HDAC9: variants seen among roughly 807,000 people sequenced by gnomAD.
The protein encoded by HDAC9 is MEF-2 interacting transcription repressor (MITR) protein.
A neutral mutation model predicts 139.4 loss-of-function variants in HDAC9; 41 were observed. The ratio of observed to expected loss-of-function variants is 0.29; its 90% CI spans 0.23 to 0.38. The LOEUF (loss-of-function observed/expected upper bound fraction) is 0.38. Ranked by LOEUF, HDAC9 falls within the 10% of genes least tolerant of loss-of-function variation. The probability of loss-of-function intolerance (pLI) is 1.00; values close to 1 mark genes in which losing one functional copy is unlikely to be tolerated. For synonymous variants in HDAC9, 517 were observed against 476.2 expected (o/e 1.09, Z -1.12); for missense variants, 1,147 against 1,297.0 (o/e 0.88, Z 1.78).
intron 2 of HDAC9, among the ~76,000 whole-genome samples, chr7:18,583,801 C>T (rs556463520): frequency 6.6e-6 from 1 of 152,126 alleles, no homozygotes; most frequent in Non-Finnish European, 1.5e-5. Context: ...TTATTTCTGT[C>T]TACACTGGAT....
At chr7:18,170,819 A>T (rs928415597) in intron 2 of HDAC9, among the ~76,000 whole-genome samples, 1 of 152,170 alleles carries the variant, frequency 6.6e-6, no homozygotes, top group African/African-American at 2.4e-5. Flanking sequence ...CTGTTTTGGT[A>T]CCAGAACCAT....
At chr7:18,310,223 C>T (rs1799216135) in intron 1 of HDAC9, among the ~76,000 whole-genome samples, 1 of 152,140 alleles carries the variant, frequency 6.6e-6, no homozygotes, top group Admixed American at 6.6e-5. Flanking sequence ...ATGTCCATTT[C>T]AACTATGGGA....
chr7:18,783,661 C>CTTTTTT (rs11348285), intron 16 of HDAC9, among the ~76,000 whole-genome samples: 1 of 132,378 alleles, frequency 7.6e-6, no homozygotes, highest in African/African-American at 2.7e-5. Flanking sequence ...TCTGCTGAGA[C>CTTTTTT]TTTTTTTTTT....
chr7:18,304,295 G>A (rs1157352826), intron 1 of HDAC9, among the ~76,000 whole-genome samples: 1 of 152,188 alleles, frequency 6.6e-6, no homozygotes, highest in Non-Finnish European at 1.5e-5. Context: ...GGAATGATGA[G>A]TGTAAATTAC....
chr7:18,896,638 C>A (rs1427232784), intron 22 of HDAC9, among the ~76,000 whole-genome samples: 2 of 152,072 alleles, frequency 1.3e-5, no homozygotes, highest in African/African-American at 4.8e-5. Context: ...ATGAATAACA[C>A]AAAGCTTAAT....
At chr7:18,183,022 T>G (rs1054009956) in intron 2 of HDAC9, among the ~76,000 whole-genome samples, 1 of 151,664 alleles carries the variant, frequency 6.6e-6, no homozygotes, top group South Asian at 2.1e-4. Context: ...TTTTTTTTTT[T>G]TTTTTGAGAC....
intron 25 of HDAC9, among the ~76,000 whole-genome samples, chr7:18,984,705 G>A (rs932521834): frequency 6.6e-6 from 1 of 152,126 alleles, no homozygotes; most frequent in Non-Finnish European, 1.5e-5. Flanking sequence ...TAATAGTCTG[G>A]ATGATAATGC....
At position 18,175,003 on chromosome 7, in the gene HDAC9, G is replaced by A. The variant is rs533536535; in HGVS notation, c.25+12654G>A. 2.6e-5 allele frequency among the ~76,000 whole-genome samples: 4 copies of A among 152,326 alleles called. No individual in the cohort carries two copies. In the South Asian group the frequency reaches 8.3e-4, roughly 32 times the overall value. On this transcript the variant is annotated intron_variant, in intron 2 of 12. Transcript: ENST00000417496. ...GCTCTCTTCAGGCCTGTCAGAAGGG[G>A]ACGTTTAAGTCTGCAGAAGTTTCTA...
chr7:18,333,097 C>A (rs1781323080), intron 1 of HDAC9, among the ~76,000 whole-genome samples: 1 of 151,260 alleles, frequency 6.6e-6, no homozygotes, highest in South Asian at 2.1e-4. Flanking sequence ...TGTAATAAAG[C>A]AGAAATTAGT....
intron 23 of HDAC9, among the ~76,000 whole-genome samples, chr7:18,951,142 A>G (rs534536816): frequency 6.6e-6 from 1 of 152,146 alleles, no homozygotes; most frequent in Admixed American, 6.6e-5. Flanking sequence ...ATGATTTTTG[A>G]CGATTTAAAT....
In HDAC9 at chr7:18,836,109, A is replaced by G. The variant is rs571216045; in HGVS notation, c.2684+112A>G. 5.4e-5 allele frequency: 33 copies of G among 606,584 alleles called. No individual in the cohort carries two copies. The African/African-American group carries it at 6.1e-4, about 11-fold the overall frequency. The allele number at this position is 606,584 out of a possible 1,614,324, so 37.6% of individuals were successfully genotyped here. On this transcript the variant is annotated intron_variant, in intron 21 of 25. Transcript: ENST00000686413. ...GTCTAATTAAGGTAAATTATCGCTCAAAGCCACATAAGAATATGTATAAGA... is the reference window on the plus strand; with the variant it reads ...GTCTAATTAAGGTAAATTATCGCTCGAAGCCACATAAGAATATGTATAAGA...
chr7:18,409,926 T>C (rs891703609), intron 1 of HDAC9, among the ~76,000 whole-genome samples: 4 of 152,236 alleles, frequency 2.6e-5, no homozygotes, highest in African/African-American at 7.2e-5. Flanking sequence ...AATAGTGATA[T>C]GAATTAGCTT....
At chr7:18,294,492 T>C (rs1798012291) in intron 1 of HDAC9, among the ~76,000 whole-genome samples, 1 of 152,138 alleles carries the variant, frequency 6.6e-6, no homozygotes, top group African/African-American at 2.4e-5. Flanking sequence ...ATGGCATAGA[T>C]GCTTCTAGTC....
chr7:18,620,482 T>C (rs1349908232), intron 6 of HDAC9, among the ~76,000 whole-genome samples: 1 of 151,764 alleles, frequency 6.6e-6, no homozygotes, highest in Non-Finnish European at 1.5e-5. Flanking sequence ...CTAAAAGTAG[T>C]ACTAAAAACC....
At chr7:18,397,185 C>T (rs1585613431) in intron 1 of HDAC9, among the ~76,000 whole-genome samples, 1 of 151,900 alleles carries the variant, frequency 6.6e-6, no homozygotes, top group African/African-American at 2.4e-5. Context: ...GATGTGTGGA[C>T]GAGAGAATAC....
chr7:18,577,870 T>C (rs1320090549), intron 2 of HDAC9, among the ~76,000 whole-genome samples: 1 of 151,960 alleles, frequency 6.6e-6, no homozygotes, highest in Non-Finnish European at 1.5e-5. Flanking sequence ...ACAGTATTTA[T>C]GAAACCCAAT....
At chr7:18,901,731 G>A (rs570276667) in intron 22 of HDAC9, among the ~76,000 whole-genome samples, 1 of 152,096 alleles carries the variant, frequency 6.6e-6, no homozygotes, top group South Asian at 2.1e-4. Flanking sequence ...CAATAGGATT[G>A]TTTTCATAAC....
At chr7:18,299,595 GA>G (rs528646366) in intron 1 of HDAC9, among the ~76,000 whole-genome samples, 432 of 152,062 alleles carry the variant, frequency 2.8e-3, no homozygotes, top group Middle Eastern at 0.01. Flanking sequence ...TTACAGTCAG[GA>G]AAAAAAGGTT....
Position 18,835,911 on chromosome 7 carries a change from C to A in HDAC9, c.2598C>A (p.Gly866=), listed in dbSNP as rs771506073. 8 of 1,556,202 alleles carry A rather than the reference C, an allele frequency of 5.1e-6. No individual in the cohort carries two copies. The East Asian group carries it at 1.7e-4, about 33-fold the overall frequency. The change falls in exon 21 of 26, where the codon GGC becomes GGA. Residue 866 remains glycine (G), a synonymous_variant. Transcript: ENST00000686413. ...GSGAPNEVGT[G]LGEGYNINIA... ...CTTTCTCTTCCCAGGTTGGAACAGG[C>A]CTTGGAGAAGGGTACAATATAAATA...
Sources: allele counts gnomAD v4.1 joint callset (sites outside exome capture counted in the v4.1 genomes callset), GRCh38; gene constraint gnomAD v4.1.1; transcripts MANE v1.5; gene names NCBI Gene and HGNC (gene_info 2026-07-23, HGNC 2026-07-21).